The following PCDHB12 variants were observed in gnomAD, a reference collection of about 807,000 sequenced individuals.
PCDHB12 encodes the protein protocadherin beta-12.
For missense variants in PCDHB12, 1,192 were observed against 998.2 expected (o/e 1.19, Z -2.62); for synonymous variants, 560 against 445.2 (o/e 1.26, Z -3.24).
In PCDHB12 at chr5:141,211,761, G is replaced by C. The variant is rs1404831621; in HGVS notation, c.*466G>C. On this transcript the variant is annotated 3_prime_UTR_variant, in exon 1 of 1. Coordinates refer to ENST00000239450, the MANE Select transcript of PCDHB12 (RefSeq NM_018932.4). ...TCTCAGAAGAAACATATGTGACATG[G>C]TATTTTAGTAATGACCAAATAGACG... The C allele has an allele frequency of 4.8e-6, 1 of 206,888 alleles. No individual in the cohort carries two copies. 12.8% of individuals were successfully genotyped at this position (206,888 alleles called of 1,614,324 possible).
At position 141,209,280 on chromosome 5, in the gene PCDHB12, G is replaced by T. The variant is rs782745558; in HGVS notation, c.373G>T (p.Asp125Tyr). 1 of 1,614,148 alleles carries T rather than the reference G, an allele frequency of 6.2e-7. No individual in the cohort carries two copies. The highest frequency in any genetic ancestry group is 1.1e-5 in the South Asian group (1 of 91,074). Residue 125 changes from aspartate to tyrosine, a missense_variant, in exon 1 of 1, where the codon GAT becomes TAT. Physicochemically the swap from Asp to Tyr is radical, Grantham distance 160 (BLOSUM62 -3). Transcript: ENST00000239450. ...TTTACAAATTGAGCTCCAGGTCAGGGATATAAATGATCACTCTCCCGTCTT... is the reference window on the plus strand; with the variant it reads ...TTTACAAATTGAGCTCCAGGTCAGGTATATAAATGATCACTCTCCCGTCTT... Reference protein sequence around the residue: ...QFLQIELQVRDINDHSPVFLE... With the variant: ...QFLQIELQVRYINDHSPVFLE...
chr5:141,211,070 G>A lies in PCDHB12; in HGVS notation c.2163G>A (p.Pro721=), dbSNP rs376654999. The change falls in exon 1 of 1, where the codon CCG becomes CCA. Residue 721 remains proline, a synonymous_variant. Coordinates refer to ENST00000239450, the MANE Select transcript of PCDHB12 (RefSeq NM_018932.4). Reference sequence around the variant, plus strand: ...TGTGCAGGAGGAGCAGGGCGGCCCCGGTCGGTCGCTGCTCGGTGCCTGAGG... The same window carrying A: ...TGTGCAGGAGGAGCAGGGCGGCCCCAGTCGGTCGCTGCTCGGTGCCTGAGG... The part of the protein sequence containing the change: ...VRLCRRSRAA[P]VGRCSVPEGP... 44 of 1,613,372 alleles carry A rather than the reference G, an allele frequency of 2.7e-5. No individual in the cohort carries two copies. Among genetic ancestry groups the A allele is most frequent in the East Asian group, 4.5e-5 (2 of 44,888 alleles).
chr5:141,210,438 G>C lies in PCDHB12; in HGVS notation c.1531G>C (p.Gly511Arg). Residue 511 changes from glycine to arginine, a missense_variant, in exon 1 of 1, where the codon GGC (glycine) becomes CGC (arginine). Transcript: ENST00000239450. ...ASLVSINADN[G>R]HLFALRSLDY... ...CCTGGTCTCCATCAACGCGGACAACGGCCACCTGTTTGCCCTCAGGTCGCT... is the reference window on the plus strand; with the variant it reads ...CCTGGTCTCCATCAACGCGGACAACCGCCACCTGTTTGCCCTCAGGTCGCT... 6.2e-7 allele frequency: 1 copy of C among 1,613,070 alleles called. No homozygotes were observed. The highest frequency in any genetic ancestry group is 8.5e-7 in the Non-Finnish European group (1 of 1,179,936).
Position 141,209,503 on chromosome 5 carries a change from C to A in PCDHB12, c.596C>A (p.Ala199Glu). 1 of 1,614,186 alleles carries A rather than the reference C, an allele frequency of 6.2e-7. No homozygotes were observed. Among genetic ancestry groups the A allele is most frequent in the South Asian group, 1.1e-5 (1 of 91,078 alleles). ...TACCCTGAGTTAGTTCTGGACAAGG[C>A]GCTGGATTATGAAGAGCGCCCGGAG... ...RKYPELVLDK[A>E]LDYEERPELS... Residue 199 changes from alanine to glutamate, a missense_variant, in exon 1 of 1, where the codon GCG becomes GAG. Ala to Glu is a moderately radical substitution (Grantham distance 107, BLOSUM62 -1). Coordinates refer to ENST00000239450, the MANE Select transcript of PCDHB12 (RefSeq NM_018932.4).
rs373487876 is a variant in PCDHB12 at position 141,210,361 on chromosome 5, A to T, written c.1454A>T (p.Gln485Leu). Residue 485 changes from glutamine to leucine, a missense_variant, in exon 1 of 1, where the codon CAG becomes CTG. Physicochemically the swap from Gln to Leu is moderately radical, Grantham distance 113 (BLOSUM62 -2). Coordinates refer to ENST00000239450, the MANE Select transcript of PCDHB12 (RefSeq NM_018932.4). ...GACAGAGACTCGGGCACCAACGCCCAGGTCAACTACTCGCTGCTGCCGTCC... is the reference window on the plus strand; with the variant it reads ...GACAGAGACTCGGGCACCAACGCCCTGGTCAACTACTCGCTGCTGCCGTCC... ...ATDRDSGTNA[Q>L]VNYSLLPSQD... is the part of the protein sequence containing the mutation. 1.1e-5 allele frequency: 18 copies of T among 1,612,932 alleles called. No individual in the cohort carries two copies. The African/African-American group carries it at 2.3e-4, about 20-fold the overall frequency.
chr5:141,210,081 G>T lies in PCDHB12; in HGVS notation c.1174G>T (p.Val392Leu), dbSNP rs201620775. Residue 392 changes from valine (V) to leucine (L), a missense_variant, in exon 1 of 1, where the codon GTG becomes TTG. By Grantham distance (32) the Val-to-Leu change is conservative. Transcript: ENST00000239450. ...VCSIPEDIPF[V>L]LKSSVNNYYT... Reference sequence around the variant, plus strand: ...TTCTATCCCGGAGGACATCCCATTCGTGCTAAAATCTTCGGTAAATAATTA... The same window carrying T: ...TTCTATCCCGGAGGACATCCCATTCTTGCTAAAATCTTCGGTAAATAATTA... 3 of 1,614,160 alleles carry T rather than the reference G, an allele frequency of 1.9e-6. No individual in the cohort carries two copies. Among genetic ancestry groups the T allele is most frequent in the East Asian group, 2.2e-5 (1 of 44,878 alleles).
Position 141,209,696 on chromosome 5 carries a change from C to T in PCDHB12, c.789C>T (p.Thr263=). 12 of 1,614,156 alleles carry T rather than the reference C, an allele frequency of 7.4e-6. No individual in the cohort carries two copies. Among genetic ancestry groups the T allele is most frequent in the African/African-American group, 1.3e-5 (1 of 75,030 alleles). The change falls in exon 1 of 1, where the codon ACC becomes ACT. Residue 263 remains threonine (T), a synonymous_variant. Coordinates refer to ENST00000239450, the MANE Select transcript of PCDHB12 (RefSeq NM_018932.4). ...GCATCCTTGGCTCCCTGGTTGTGAC[C>T]GTCTCAGCCTGGGATTTAGACTCTG... The part of the protein sequence containing the change: ...ENSILGSLVV[T]VSAWDLDSGT...
In PCDHB12 at chr5:141,209,096, G is replaced by T. The variant is rs140292877; in HGVS notation, c.189G>T (p.Gly63=). ...AGGTGAGTGAGCTGTCTTCGCGGGG[G>T]GCTCGGGTGGTTTCTAATGATAACA... ...GLEVSELSSR[G]ARVVSNDNKE... Residue 63 remains glycine, a synonymous_variant, in exon 1 of 1, where the codon GGG becomes GGT. Coordinates refer to ENST00000239450, the MANE Select transcript of PCDHB12 (RefSeq NM_018932.4). The T allele has an allele frequency of 6.8e-6, 11 of 1,613,632 alleles. No homozygotes were observed. The African/African-American group carries it at 1.3e-4, about 20-fold the overall frequency.
At position 141,209,154 on chromosome 5, in the gene PCDHB12, G is replaced by T. The variant is rs1332733932; in HGVS notation, c.247G>T (p.Asp83Tyr). 1.9e-6 allele frequency: 3 copies of T among 1,614,058 alleles called. No individual in the cohort carries two copies. The Admixed American group carries it at 5.0e-5, about 27-fold the overall frequency. Residue 83 changes from aspartate to tyrosine, a missense_variant, in exon 1 of 1, where the codon GAT becomes TAT. Coordinates refer to ENST00000239450, the MANE Select transcript of PCDHB12 (RefSeq NM_018932.4). ...ECLQLDTNTG[D>Y]LLLREMLDRE... ...TTTGCAGCTGGACACAAACACTGGGGATTTGCTCCTGAGAGAAATGCTAGA... is the reference window on the plus strand; with the variant it reads ...TTTGCAGCTGGACACAAACACTGGGTATTTGCTCCTGAGAGAAATGCTAGA...
rs371452944 is a variant in PCDHB12 at position 141,209,135 on chromosome 5, G to T, written c.228G>T (p.Gln76His). The T allele has an allele frequency of 6.2e-7, 1 of 1,614,204 alleles. No individual in the cohort carries two copies. ...CTAATGATAACAAAGAGTGTTTGCAGCTGGACACAAACACTGGGGATTTGC... is the reference window on the plus strand; with the variant it reads ...CTAATGATAACAAAGAGTGTTTGCATCTGGACACAAACACTGGGGATTTGC... ...VVSNDNKECL[Q>H]LDTNTGDLLL... Residue 76 changes from glutamine (Q) to histidine (H), a missense_variant, in exon 1 of 1, where the codon CAG becomes CAT. By Grantham distance (24) the Gln-to-His change is conservative. Coordinates refer to ENST00000239450, the MANE Select transcript of PCDHB12 (RefSeq NM_018932.4).
rs1312519126 is a variant in PCDHB12, at chr5:141,209,095, G to T, written c.188G>T (p.Gly63Val). ...GLEVSELSSR[G>V]ARVVSNDNKE... ...GAGGTGAGTGAGCTGTCTTCGCGGGGGGCTCGGGTGGTTTCTAATGATAAC... is the reference window on the plus strand; with the variant it reads ...GAGGTGAGTGAGCTGTCTTCGCGGGTGGCTCGGGTGGTTTCTAATGATAAC... Residue 63 changes from glycine to valine, a missense_variant, in exon 1 of 1, where the codon GGG (glycine) becomes GTG (valine). Transcript: ENST00000239450. 1.9e-6 allele frequency: 3 copies of T among 1,613,630 alleles called. No homozygotes were observed. The African/African-American group carries it at 4.0e-5, about 22-fold the overall frequency.
At position 141,208,966 on chromosome 5, in the gene PCDHB12, T is replaced by G. The variant is rs782173883; in HGVS notation, c.59T>G (p.Leu20Trp). The change falls in exon 1 of 1, where the codon TTG becomes TGG. Residue 20 changes from leucine to tryptophan, a missense_variant. Physicochemically the swap from Leu to Trp is moderately conservative, Grantham distance 61. Coordinates refer to ENST00000239450, the MANE Select transcript of PCDHB12 (RefSeq NM_018932.4). ...AGGCAAGTCCTGCTTTTCTTTGTTT[T>G]GCTGGGAATGTCTCAGGCGGGCTCT... The part of the protein sequence containing the change: ...QIRQVLLFFV[L>W]LGMSQAGSET... 8 of 1,568,478 alleles carry G rather than the reference T, an allele frequency of 5.1e-6. No individual in the cohort carries two copies. The highest frequency in any genetic ancestry group is 6.0e-6 in the Non-Finnish European group (7 of 1,161,246).
chr5:141,211,485 G>A lies in PCDHB12; in HGVS notation c.*190G>A, dbSNP rs1554287236. The A allele has an allele frequency of 2.8e-6, 2 of 708,232 alleles. No homozygotes were observed. The highest frequency in any genetic ancestry group is 1.8e-5 in the African/African-American group (1 of 55,724). The allele number at this position is 708,232 out of a possible 1,614,324, so 43.9% of individuals were successfully genotyped here. The stretch of plus-strand genomic sequence containing the variant: ...ACTTCACAAAGCAGGAAATGTGCAT[G>A]TGTAATGGTTTATGTCAAACAATTA... On this transcript the variant is annotated 3_prime_UTR_variant, in exon 1 of 1. Transcript: ENST00000239450.
In PCDHB12 at chr5:141,209,431, A is replaced by G. The variant is rs782080961; in HGVS notation, c.524A>G (p.Asn175Ser). The part of the protein sequence containing the change: ...NAVKSYTINP[N>S]SHFHVKIRVN... ...GTAAAAAGCTACACAATAAATCCGA[A>G]CTCTCATTTCCACGTTAAAATAAGA... is the stretch of plus-strand genomic sequence containing the variant. The change falls in exon 1 of 1, where the codon AAC (asparagine) becomes AGC (serine). Residue 175 changes from asparagine (N) to serine (S), a missense_variant. Coordinates refer to ENST00000239450, the MANE Select transcript of PCDHB12 (RefSeq NM_018932.4). 3.7e-6 allele frequency: 6 copies of G among 1,614,042 alleles called. No homozygotes were observed. The South Asian group carries it at 6.6e-5, about 18-fold the overall frequency.
Position 141,208,917 on chromosome 5 carries a change from G to A in PCDHB12, c.10G>A (p.Gly4Arg). Residue 4 changes from glycine (G) to arginine (R), a missense_variant, in exon 1 of 1, where the codon GGA becomes AGA. Transcript: ENST00000239450. ...TTTTGGAAAAGAAGCTATGGAAAAC[G>A]GAGGGGCAGGCACTCTGCAGATAAG... MEN[G>R]GAGTLQIRQV... 6.6e-7 allele frequency: 1 copy of A among 1,515,888 alleles called. No individual in the cohort carries two copies. Among genetic ancestry groups the A allele is most frequent in the South Asian group, 1.4e-5 (1 of 73,356 alleles). The allele number at this position is 1,515,888 out of a possible 1,614,324, so 93.9% of individuals were successfully genotyped here. A position where few individuals can be genotyped will look rare whatever the true frequency, so the allele number is the denominator to read the frequency against.
Position 141,211,293 on chromosome 5 carries a change from T to C in PCDHB12, c.2386T>C (p.Ter796ArgextTer1), listed in dbSNP as rs545719056. The part of the protein sequence containing the change: ...NPPFQNNLGF[*>R] ...CCCATTTCAGAATAATTTGGGTTTC[T>C]GATAAAGAATGAAAAATAAAACCTG... The change falls in exon 1 of 1, where the codon TGA (stop) becomes CGA (arginine). Residue 796 changes from the stop codon to arginine, a stop_lost. Coordinates refer to ENST00000239450, the MANE Select transcript of PCDHB12 (RefSeq NM_018932.4). 7 of 1,576,352 alleles carry C rather than the reference T, an allele frequency of 4.4e-6. No homozygotes were observed. The South Asian group carries it at 8.4e-5, about 19-fold the overall frequency.
In PCDHB12 at chr5:141,209,181, A is replaced by G. The variant is rs1554286608; in HGVS notation, c.274A>G (p.Arg92Gly). ...TTTGCTCCTGAGAGAAATGCTAGACAGGGAGGAGCTCTGTGGCTCCAATGA... is the reference window on the plus strand; with the variant it reads ...TTTGCTCCTGAGAGAAATGCTAGACGGGGAGGAGCTCTGTGGCTCCAATGA... ...GDLLLREMLDREELCGSNEPC... is the reference protein window; with the variant it reads ...GDLLLREMLDGEELCGSNEPC... The change falls in exon 1 of 1, where the codon AGG becomes GGG. Residue 92 changes from arginine to glycine, a missense_variant. Transcript: ENST00000239450. The G allele has an allele frequency of 1.9e-6, 3 of 1,614,064 alleles. No homozygotes were observed. The highest frequency in any genetic ancestry group is 2.2e-5 in the East Asian group (1 of 44,886).
In PCDHB12 at chr5:141,210,384, T is replaced by C. The variant is rs566209317; in HGVS notation, c.1477T>C (p.Ser493Pro). 7.1e-5 allele frequency: 114 copies of C among 1,612,930 alleles called. No homozygotes were observed. Among genetic ancestry groups the C allele is most frequent in the Admixed American group, 2.2e-4 (13 of 60,020 alleles). ...CCAGGTCAACTACTCGCTGCTGCCGTCCCAGGACCCGCACCTGCCCCTCGC... is the reference window on the plus strand; with the variant it reads ...CCAGGTCAACTACTCGCTGCTGCCGCCCCAGGACCCGCACCTGCCCCTCGC... ...NAQVNYSLLPSQDPHLPLASL... is the reference protein window; with the variant it reads ...NAQVNYSLLPPQDPHLPLASL... The change falls in exon 1 of 1, where the codon TCC becomes CCC. Residue 493 changes from serine to proline, a missense_variant. By Grantham distance (74) the Ser-to-Pro change is moderately conservative. Coordinates refer to ENST00000239450, the MANE Select transcript of PCDHB12 (RefSeq NM_018932.4).
rs138864229 is a variant in PCDHB12, at chr5:141,210,929, G to A, written c.2022G>A (p.Pro674=). The change falls in exon 1 of 1, where the codon CCG becomes CCA. Residue 674 remains proline, a synonymous_variant. Coordinates refer to ENST00000239450, the MANE Select transcript of PCDHB12 (RefSeq NM_018932.4). ...DGFSQPYLPL[P]EAAPAQAQAD... ...TCTCCCAGCCCTACCTGCCTCTCCC[G>A]GAGGCGGCCCCGGCCCAGGCCCAGG... is the stretch of plus-strand genomic sequence containing the variant. The A allele has an allele frequency of 1.9e-6, 3 of 1,610,952 alleles. No individual in the cohort carries two copies. Among genetic ancestry groups the A allele is most frequent in the South Asian group, 2.2e-5 (2 of 91,014 alleles).
Sources: gnomAD v4.1 joint callset for allele counts on GRCh38, gnomAD v4.1.1 for gene constraint, MANE v1.5 for transcripts, NCBI Gene and HGNC (gene_info 2026-07-23, HGNC 2026-07-21) for gene names.